Variants in JAKMIP3 observed in about 807,000 individuals in gnomAD.
JAKMIP3 encodes janus kinase and microtubule-interacting protein 3.
A neutral mutation model predicts 118.5 loss-of-function variants in JAKMIP3; 58 were observed. That is an observed-to-expected ratio of 0.49 (90% CI 0.40 to 0.61). JAKMIP3 has a LOEUF of 0.61. Among genes scored for constraint, JAKMIP3 ranks in the 20% least tolerant of loss-of-function variants. JAKMIP3 has a pLI of 0.00. For synonymous variants in JAKMIP3, 486 were observed against 451.2 expected (o/e 1.08, Z -0.98); for missense variants, 950 against 1,109.0 (o/e 0.86, Z 2.04).
At chr10:132,141,839 G>GCC in intron 10 of JAKMIP3, 81 bp from the exon 11 acceptor site, 1 of 1,495,774 alleles carries the variant, frequency 6.7e-7, no homozygotes, top group Non-Finnish European at 9.0e-7. Context: ...GAGAAGGGAA[G>GCC]CCCCGGGGCC....
At chr10:132,100,539 C>T (rs980381439) in intron 1 of JAKMIP3, among the ~76,000 whole-genome samples, 5 of 152,118 alleles carry the variant, frequency 3.3e-5, no homozygotes, top group Non-Finnish European at 7.4e-5. Flanking sequence ...TGGTTCCTTA[C>T]GAGGGTTGGG....
intron 1 of JAKMIP3, among the ~76,000 whole-genome samples, chr10:132,043,270 T>C (rs1013715419): frequency 6.6e-6 from 1 of 152,156 alleles, no homozygotes; most frequent in Non-Finnish European, 1.5e-5. Flanking sequence ...AGTGGTGTGA[T>C]GTGGGCTCAC....
At position 132,090,446 on chromosome 10, in the gene JAKMIP3, T is replaced by C. The variant is rs185197915; in HGVS notation, c.-137-14226T>C. Among the ~76,000 whole-genome samples the C allele has an allele frequency of 8.6e-4, 131 of 152,322 alleles. 1 individual carries two copies. The Middle Eastern group carries it at 0.014, about 16-fold the overall frequency. On this transcript the variant is annotated intron_variant, in intron 1 of 23. Coordinates refer to ENST00000684848, the MANE Select transcript of JAKMIP3 (RefSeq NM_001323087.2). ...TTCCTGGTTTAGTCTTGGGAGGGTG[T>C]ATGTGTCCAGGAATTCATCCGTTTC... is the stretch of plus-strand genomic sequence containing the variant.
chr10:132,168,272 G>A lies in JAKMIP3; in HGVS notation c.*342G>A. ...ATGTGTAGCATTCCCTGCCAAGCAG[G>A]GGTGAGAACTGCTTCTGTGCAGAAG... On this transcript the variant is annotated 3_prime_UTR_variant, in exon 23 of 24. Transcript: ENST00000684848. 3.1e-6 allele frequency: 4 copies of A among 1,289,384 alleles called. No individual in the cohort carries two copies. The South Asian group carries it at 3.7e-5, about 12-fold the overall frequency. The allele number at this position is 1,289,384 out of a possible 1,614,324, so 79.9% of individuals were successfully genotyped here.
Position 132,104,753 on chromosome 10 carries a change from C to A in JAKMIP3, c.-56C>A. The A allele has an allele frequency of 6.5e-7, 1 of 1,532,980 alleles. No individual in the cohort carries two copies. The highest frequency in any genetic ancestry group is 1.2e-5 in the South Asian group (1 of 82,838). The allele number at this position is 1,532,980 out of a possible 1,614,324, so 95.0% of individuals were successfully genotyped here. A position where few individuals can be genotyped will look rare whatever the true frequency, so the allele number is the denominator to read the frequency against. ...CGTGGACACCCCAGCCACCCCCAGCCCAGCCCAGCCGGAGCACCCTACCCC... is the reference window on the plus strand; with the variant it reads ...CGTGGACACCCCAGCCACCCCCAGCACAGCCCAGCCGGAGCACCCTACCCC... On this transcript the variant is annotated 5_prime_UTR_variant, in exon 2 of 24. Coordinates refer to ENST00000684848, the MANE Select transcript of JAKMIP3 (RefSeq NM_001323087.2).
At chr10:132,141,795 G>A in intron 10 of JAKMIP3, 125 bp from the exon 11 acceptor site, 2 of 1,131,838 alleles carry the variant, frequency 1.8e-6, no homozygotes, top group African/African-American at 3.1e-5. Flanking sequence ...CATGCTGCTA[G>A]AGAGACCCCC....
chr10:132,042,220 T>TTCC (rs1354552197), intron 1 of JAKMIP3, among the ~76,000 whole-genome samples: 1 of 151,712 alleles, frequency 6.6e-6, no homozygotes, highest in Non-Finnish European at 1.5e-5. Flanking sequence ...CCTTCCTTCT[T>TTCC]TCCTCCTCCT....
Position 132,139,292 on chromosome 10 carries a change from CTG to C in JAKMIP3, c.1344+1118_1344+1119del, listed in dbSNP as rs1173460581. Among the ~76,000 whole-genome samples, 7 of 107,048 alleles carry C rather than the reference CTG, an allele frequency of 6.5e-5. 1 individual carries two copies. The highest frequency in any genetic ancestry group is 3.8e-4 in the South Asian group (1 of 2,650). The allele number at this position is 107,048 out of a possible 152,430, so 70.2% of individuals were successfully genotyped here. A position where few individuals can be genotyped will look rare whatever the true frequency, so the allele number is the denominator to read the frequency against. ...TGTGTACATGTGAGTGTATATGCAT[CTG>C]TGTATGTGTGTGAGTGTGTATGTGT... On this transcript the variant is annotated intron_variant, in intron 9 of 23. Transcript: ENST00000684848.
Position 132,117,124 on chromosome 10 carries a change from C to A in JAKMIP3, c.183C>A (p.Arg61=). 1 of 1,612,962 alleles carries A rather than the reference C, an allele frequency of 6.2e-7. No homozygotes were observed. Among genetic ancestry groups the A allele is most frequent in the Admixed American group, 1.7e-5 (1 of 60,006 alleles). ...AGAACCAGGAGCTGCGGCAGGTGCGCGAGCATGAGCAGCATAAGACCGCGG... is the reference window on the plus strand; with the variant it reads ...AGAACCAGGAGCTGCGGCAGGTGCGAGAGCATGAGCAGCATAAGACCGCGG... The part of the protein sequence containing the change: ...REKNQELRQV[R]EHEQHKTAVL... The change falls in exon 3 of 24, where the codon CGC becomes CGA. Residue 61 remains arginine, a synonymous_variant. Transcript: ENST00000684848. This position sits in a 1 kb window ranked among gnomAD's most constrained non-coding sequence, Gnocchi z 8.6.
intron 1 of JAKMIP3, among the ~76,000 whole-genome samples, chr10:132,070,065 G>A (rs978523723): frequency 2.6e-5 from 4 of 152,328 alleles, no homozygotes; most frequent in Admixed American, 1.3e-4. Context: ...ACCCTGTGGG[G>A]GCTTCGGGCA....
intron 3 of JAKMIP3, among the ~76,000 whole-genome samples, chr10:132,125,092 C>T (rs536587731): frequency 2.6e-5 from 4 of 152,338 alleles, no homozygotes; most frequent in Non-Finnish European, 2.9e-5. Flanking sequence ...TAAGGAAGCC[C>T]GATTTGTCGG....
chr10:132,048,338 C>G (rs1028067518), intron 1 of JAKMIP3, among the ~76,000 whole-genome samples: 1 of 152,148 alleles, frequency 6.6e-6, no homozygotes, highest in African/African-American at 2.4e-5. Flanking sequence ...GCCTTGGCAC[C>G]GGGTGCTCTC....
chr10:132,037,312 T>C (rs1589993335), intron 1 of JAKMIP3, among the ~76,000 whole-genome samples: 1 of 152,112 alleles, frequency 6.6e-6, no homozygotes, highest in Admixed American at 6.5e-5. Context: ...AGCGGCTCCC[T>C]CCTGCCCCCG....
intron 3 of JAKMIP3, among the ~76,000 whole-genome samples, chr10:132,128,803 GA>G: frequency 6.6e-6 from 1 of 152,032 alleles, no homozygotes; most frequent in South Asian, 2.1e-4. Context: ...ATCTCTATTA[GA>G]AAAATATAAA....
intron 1 of JAKMIP3, among the ~76,000 whole-genome samples, chr10:132,069,335 A>G (rs1173960775): frequency 2.6e-5 from 4 of 152,080 alleles, no homozygotes; most frequent in Non-Finnish European, 5.9e-5. Flanking sequence ...CCCCAAGGAC[A>G]CGTTTTCCCA....
intron 1 of JAKMIP3, among the ~76,000 whole-genome samples, chr10:132,101,755 C>T (rs1043303759): frequency 6.6e-6 from 1 of 151,934 alleles, no homozygotes; most frequent in East Asian, 1.9e-4. Context: ...TCTATGAGGA[C>T]TTGAATGGAG....
At chr10:132,159,162 G>T (rs79295898) in intron 19 of JAKMIP3, among the ~76,000 whole-genome samples, 12,051 of 125,234 alleles carry the variant, frequency 0.096, 897 homozygotes, top group Non-Finnish European at 0.14. Flanking sequence ...TGTTGTGGGG[G>T]TATCTCTTCC....
At chr10:132,054,546 C>T (rs142215673) in intron 1 of JAKMIP3, among the ~76,000 whole-genome samples, 52 of 152,214 alleles carry the variant, frequency 3.4e-4, no homozygotes, top group Non-Finnish European at 6.6e-4. Context: ...GAGTCTGGGC[C>T]GGAACCACCC....
intron 1 of JAKMIP3, among the ~76,000 whole-genome samples, chr10:132,091,276 C>A (rs1316947270): frequency 5.3e-5 from 8 of 152,182 alleles, no homozygotes; most frequent in African/African-American, 1.9e-4. Context: ...GTGGAGAGTT[C>A]TGTAGATGTC....
Sources: gnomAD v4.1 joint callset for allele counts (sites outside exome capture counted in the v4.1 genomes callset) on GRCh38, gnomAD v4.1.1 for gene constraint, Gnocchi (gnomAD v3.1) non-coding constraint, MANE v1.5 for transcripts, NCBI Gene and HGNC (gene_info 2026-07-23, HGNC 2026-07-21) for gene names.